The following SATB1 variants were observed in gnomAD, a reference collection of about 807,000 sequenced individuals.
SATB1 encodes DNA-binding protein SATB1.
In SATB1, 11 loss-of-function variants were observed where a neutral mutation model predicts 86.9. That is an observed-to-expected ratio of 0.13 (90% confidence interval 0.08 to 0.21). The LOEUF (loss-of-function observed/expected upper bound fraction) is 0.21. Ranked by LOEUF, SATB1 falls within the 10% of genes least tolerant of loss-of-function variation. The pLI is 1.00. For missense variants in SATB1, 551 were observed against 937.6 expected, an observed-to-expected ratio of 0.59 and a Z score of 5.39; for synonymous variants, 357 against 357.2, an observed-to-expected ratio of 1.00 and a Z score of 0.01.
At chr3:18,433,212 CA>C (rs1399274188) in intron 2 of SATB1, among the ~76,000 whole-genome samples, 1 of 152,104 alleles carries the variant, frequency 6.6e-6, no homozygotes, top group African/African-American at 2.4e-5. Context: ...GAATGTTTTT[CA>C]AAACAGTAAA....
At chr3:18,433,435 A>G (rs1698956165) in intron 2 of SATB1, among the ~76,000 whole-genome samples, 3 of 152,132 alleles carry the variant, frequency 2.0e-5, no homozygotes. Context: ...TTACTTTTTT[A>G]GTGCTAGTAA....
chr3:18,423,028 C>T (rs559912570), intron 1 of SATB1, among the ~76,000 whole-genome samples: 18 of 152,220 alleles, frequency 1.2e-4, no homozygotes, highest in African/African-American at 4.3e-4. Context: ...AAATTAAATG[C>T]GCATAAAACA....
intron 5 of SATB1, among the ~76,000 whole-genome samples, chr3:18,411,553 C>T (rs966102809): frequency 6.7e-6 from 1 of 150,022 alleles, no homozygotes; most frequent in African/African-American, 2.4e-5. Context: ...AAAATGTTTA[C>T]TTTTTAAATT....
chr3:18,362,881 A>AAAAAAAC (rs373536891), intron 9 of SATB1, among the ~76,000 whole-genome samples: 1,946 of 107,458 alleles, frequency 0.018, 119 homozygotes, highest in Non-Finnish European at 0.023. Context: ...AAAAAAAAAA[A>AAAAAAAC]CCAAAACCCC....
intron 9 of SATB1, among the ~76,000 whole-genome samples, chr3:18,366,252 T>C (rs570422305): frequency 9.9e-4 from 116 of 117,718 alleles, no homozygotes; most frequent in African/African-American, 5.3e-3. Context: ...CAAGGTATTC[T>C]TTTTTTTTTT....
chr3:18,372,507 G>A (rs1212218403), intron 9 of SATB1, among the ~76,000 whole-genome samples: 4 of 152,082 alleles, frequency 2.6e-5, no homozygotes, highest in African/African-American at 9.7e-5. Flanking sequence ...CAAGTGTCTA[G>A]GGGATAAATC....
chr3:18,418,095 CAAACTG>C (rs1490026777), intron 2 of SATB1, among the ~76,000 whole-genome samples: 2 of 152,140 alleles, frequency 1.3e-5, no homozygotes, highest in East Asian at 3.9e-4. Flanking sequence ...TGTACTGTGG[CAAACTG>C]CCAGAAGGGT....
In SATB1 at chr3:18,345,383, A is replaced by C. The variant is rs1158793236; in HGVS notation, c.*3787T>G. On this transcript the variant is annotated 3_prime_UTR_variant, in exon 11 of 11. Transcript: ENST00000338745. ...CTTAAAAATGTGGCTCATCTTTTAA[A>C]CATTAATTTCAAACTATTTTTATTT... The C allele has an allele frequency of 1.3e-5, 2 of 152,130 alleles. No homozygotes were observed. Among genetic ancestry groups the C allele is most frequent in the East Asian group, 3.8e-4 (2 of 5,202 alleles). The allele number at this position is 152,130 out of a possible 1,614,324, so 9.4% of individuals were successfully genotyped here.
chr3:18,432,026 C>A (rs576774009), intron 2 of SATB1, among the ~76,000 whole-genome samples: 1 of 152,242 alleles, frequency 6.6e-6, no homozygotes, highest in East Asian at 1.9e-4. Context: ...TTACTGGAGC[C>A]AGAACCATCC....
At chr3:18,400,355 A>G (rs1697194881) in intron 5 of SATB1, among the ~76,000 whole-genome samples, 1 of 152,194 alleles carries the variant, frequency 6.6e-6, no homozygotes, top group Non-Finnish European at 1.5e-5. Flanking sequence ...CTGACAAAAC[A>G]GAATAGAAAT....
At chr3:18,390,077 A>T (rs1468177393) in intron 7 of SATB1, among the ~76,000 whole-genome samples, 1 of 152,186 alleles carries the variant, frequency 6.6e-6, no homozygotes, top group Non-Finnish European at 1.5e-5. Context: ...ATTCATTAGT[A>T]GTTGTAAAAG....
At chr3:18,351,372 T>C (rs936701639) in intron 10 of SATB1, 1 of 1,556,060 alleles carries the variant, frequency 6.4e-7, no homozygotes, top group African/African-American at 1.4e-5. Flanking sequence ...AAAACGCCTC[T>C]AGACTCTCCT....
chr3:18,435,204 T>C (rs1026692361), intron 2 of SATB1: 1 of 152,124 alleles, frequency 6.6e-6, no homozygotes, highest in Non-Finnish European at 1.5e-5. Context: ...AGTAGGCTTC[T>C]CCATGCTTAA....
At chr3:18,374,077 A>G (rs1426494146) in intron 9 of SATB1, among the ~76,000 whole-genome samples, 1 of 152,198 alleles carries the variant, frequency 6.6e-6, no homozygotes, top group African/African-American at 2.4e-5. Flanking sequence ...TTACTGTCTT[A>G]CTGCACTACT....
intron 2 of SATB1, 99 bp from the exon 3 acceptor site, chr3:18,417,177 T>C: frequency 8.2e-7 from 1 of 1,224,172 alleles, no homozygotes; most frequent in South Asian, 1.3e-5. Flanking sequence ...AAATAAATAA[T>C]CACAAGAGAT....
At chr3:18,400,562 G>A (rs1360978998) in intron 5 of SATB1, among the ~76,000 whole-genome samples, 1 of 152,104 alleles carries the variant, frequency 6.6e-6, no homozygotes, top group African/African-American at 2.4e-5. Context: ...TATGTGCCAA[G>A]CACTGGGCAA....
chr3:18,445,533 C>G, exon 1 of SATB1: 1 of 985,460 alleles, frequency 1.0e-6, no homozygotes, highest in Non-Finnish European at 1.2e-6. Flanking sequence ...CGGGGGCCCC[C>G]AACACGCGCA....
At chr3:18,438,685 C>T (rs772993605) in exon 1 of SATB1, 1 of 152,330 alleles carries the variant, frequency 6.6e-6, no homozygotes, top group Non-Finnish European at 1.5e-5. Flanking sequence ...GCAGAAACAT[C>T]CCCAAATGAG....
At chr3:18,378,572 C>T (rs916530177) in intron 8 of SATB1, among the ~76,000 whole-genome samples, 1 of 152,112 alleles carries the variant, frequency 6.6e-6, no homozygotes, top group Non-Finnish European at 1.5e-5. Context: ...ATTATAATGC[C>T]ATAAAGTAAG....
Sources: gnomAD v4.1 joint callset for allele counts (sites outside exome capture counted in the v4.1 genomes callset) on GRCh38, gnomAD v4.1.1 for gene constraint, MANE v1.5 for transcripts, NCBI Gene and HGNC (gene_info 2026-07-23, HGNC 2026-07-21) for gene names.